The following FRMD3 variants were observed in gnomAD, a reference collection of about 807,000 sequenced individuals.
The protein encoded by FRMD3 is FERM domain-containing protein 3.
A neutral mutation model predicts 70.2 loss-of-function variants in FRMD3; 33 were observed. The ratio of observed to expected loss-of-function variants is 0.47; its 90% CI spans 0.36 to 0.63. FRMD3 has a LOEUF of 0.63. Among genes scored for constraint, FRMD3 ranks in the 20% least tolerant of loss-of-function variants. The pLI, the probability that FRMD3 is intolerant of heterozygous loss-of-function variation, is 0.00. For missense variants in FRMD3, 632 were observed against 711.4 expected (o/e 0.89, Z 1.27); for synonymous variants, 279 against 255.9 (o/e 1.09, Z -0.86).
the FRMD3 span, among the ~76,000 whole-genome samples, chr9:83,576,236 T>G: frequency 3.3e-5 from 5 of 152,044 alleles, no homozygotes; most frequent in African/African-American, 1.2e-4. Flanking sequence ...AGATTGGTTT[T>G]GTAGCCAAAA....
At chr9:83,339,020 A>C (rs1317128967) in intron 5 of FRMD3, among the ~76,000 whole-genome samples, 3 of 152,212 alleles carry the variant, frequency 2.0e-5, no homozygotes, top group African/African-American at 4.8e-5. Flanking sequence ...ATGGACCACC[A>C]ATATGAAACT....
chr9:83,483,522 T>C (rs907413080), intron 1 of FRMD3, among the ~76,000 whole-genome samples: 1 of 152,186 alleles, frequency 6.6e-6, no homozygotes, highest in African/African-American at 2.4e-5. Context: ...TGTGCTTAAA[T>C]GAGCTATTGT....
intron 6 of FRMD3, among the ~76,000 whole-genome samples, chr9:83,327,649 CCTT>C (rs1221845200): frequency 2.0e-5 from 3 of 152,328 alleles, no homozygotes; most frequent in Admixed American, 6.5e-5. Context: ...AGGGTGTAAT[CCTT>C]CTCTTCCTGT....
intron 6 of FRMD3, among the ~76,000 whole-genome samples, chr9:83,332,650 AATC>A (rs1183991488): frequency 6.6e-6 from 1 of 152,138 alleles, no homozygotes; most frequent in Non-Finnish European, 1.5e-5. Context: ...TCTCCCTGTA[AATC>A]ATCATTTCTG....
rs1832054139 is a variant in FRMD3 at position 83,245,593 on chromosome 9, A to C, written c.*2325T>G. The C allele has an allele frequency of 2.6e-5, 21 of 821,938 alleles. No individual in the cohort carries two copies. Among genetic ancestry groups the C allele is most frequent in the Non-Finnish European group, 3.1e-5 (21 of 680,834 alleles). The allele number at this position is 821,938 out of a possible 1,614,324, so 50.9% of individuals were successfully genotyped here. A position where few individuals can be genotyped will look rare whatever the true frequency, so the allele number is the denominator to read the frequency against. ...AATCTGCATCGTTGGATTACATGTG[A>C]TATTTATACTATCATATTTTTTAAG... On this transcript the variant is annotated 3_prime_UTR_variant, in exon 14 of 14. Coordinates refer to ENST00000304195, the MANE Select transcript of FRMD3 (RefSeq NM_174938.6).
At chr9:83,550,438 T>C in the FRMD3 span, among the ~76,000 whole-genome samples, 1 of 152,182 alleles carries the variant, frequency 6.6e-6, no homozygotes, top group African/African-American at 2.4e-5. Context: ...GGCTCTTTTT[T>C]GGTTCCATAT....
Position 83,282,997 on chromosome 9 carries a change from C to T in FRMD3, c.1195+7606G>A, listed in dbSNP as rs139784832. Reference sequence around the variant, plus strand: ...CCCCTTTCAAGTGATAAAAACTTCTCGTGAGTACTTAAGTTGTCAGTAAAT... The same window carrying T: ...CCCCTTTCAAGTGATAAAAACTTCTTGTGAGTACTTAAGTTGTCAGTAAAT... On this transcript the variant is annotated intron_variant, in intron 13 of 13. Transcript: ENST00000304195. Among the ~76,000 whole-genome samples the T allele has an allele frequency of 7.7e-3, 1,174 of 151,888 alleles. 8 individuals are homozygous for T. The highest frequency in any genetic ancestry group is 0.011 in the Non-Finnish European group (765 of 67,982).
chr9:83,381,568 G>C (rs1204477336), intron 2 of FRMD3, among the ~76,000 whole-genome samples: 1 of 151,722 alleles, frequency 6.6e-6, no homozygotes, highest in South Asian at 2.1e-4. Context: ...AAGAAAGAAA[G>C]AAAAAAGAAA....
At position 83,509,869 on chromosome 9, in the gene FRMD3, C is replaced by T. The variant is rs143395831; in HGVS notation, c.147+28216G>A. On this transcript the variant is annotated intron_variant, in intron 1 of 13. Transcript: ENST00000304195. ...CTAGAAAAGATGGAAAACGCACATTCTCTGTGTGGTGGGCTTGGTGTACAG... is the reference window on the plus strand; with the variant it reads ...CTAGAAAAGATGGAAAACGCACATTTTCTGTGTGGTGGGCTTGGTGTACAG... 4.2e-3 allele frequency among the ~76,000 whole-genome samples: 646 copies of T among 152,204 alleles called. 3 individuals are homozygous for T. Among genetic ancestry groups the T allele is most frequent in the African/African-American group, 0.015 (612 of 41,532 alleles).
intron 1 of FRMD3, among the ~76,000 whole-genome samples, chr9:83,412,156 C>T (rs1826297887): frequency 6.6e-6 from 1 of 152,132 alleles, no homozygotes; most frequent in African/African-American, 2.4e-5. Context: ...CAGTGTTGTT[C>T]TCTTTGTGTC....
chr9:83,428,605 T>C (rs763994408), intron 1 of FRMD3, among the ~76,000 whole-genome samples: 1 of 152,058 alleles, frequency 6.6e-6, no homozygotes, highest in Non-Finnish European at 1.5e-5. Flanking sequence ...ATTATAATAA[T>C]TTTCATTATT....
intron 12 of FRMD3, among the ~76,000 whole-genome samples, chr9:83,296,915 A>T (rs1053110987): frequency 2.6e-5 from 4 of 152,216 alleles, no homozygotes; most frequent in Non-Finnish European, 5.9e-5. Flanking sequence ...AGAAAATGTT[A>T]GAAACACAGA....
rs535085026 is a variant in FRMD3, at chr9:83,465,017, C to T, written c.147+73068G>A. Among the ~76,000 whole-genome samples, 23 of 84,712 alleles carry T rather than the reference C, an allele frequency of 2.7e-4. 1 individual carries two copies. In the South Asian group the frequency reaches 9.0e-3, roughly 33 times the overall value. The allele number at this position is 84,712 out of a possible 152,430, so 55.6% of individuals were successfully genotyped here. The stretch of plus-strand genomic sequence containing the variant: ...CCTGGGTAACAGAGAGAAACTCTGT[C>T]TCAAAAAGAAAAAAAAAAAAAAGAA... On this transcript the variant is annotated intron_variant, in intron 1 of 13. Coordinates refer to ENST00000304195, the MANE Select transcript of FRMD3 (RefSeq NM_174938.6).
chr9:83,584,638 A>G, the FRMD3 span, among the ~76,000 whole-genome samples: 3 of 152,194 alleles, frequency 2.0e-5, no homozygotes, highest in Non-Finnish European at 2.9e-5. Context: ...TGAGATTTCA[A>G]GCAAATTTCA....
rs1829932408 is a variant in FRMD3, at chr9:83,537,841, G to A, written c.147+244C>T. 6.6e-6 allele frequency among the ~76,000 whole-genome samples: 1 copy of A among 151,112 alleles called. No individual in the cohort carries two copies. Among genetic ancestry groups the A allele is most frequent in the Non-Finnish European group, 1.5e-5 (1 of 67,696 alleles). On this transcript the variant is annotated intron_variant, in intron 1 of 13. Transcript: ENST00000304195. This position sits in a 1 kb window ranked among gnomAD's most constrained non-coding sequence, Gnocchi z 4.1. ...CGGGCGCAGTGAGACGCGCGCGCAG[G>A]GTGCACGCGAGGGGAAGGAGACTGG...
intron 1 of FRMD3, among the ~76,000 whole-genome samples, chr9:83,395,979 A>T (rs958547570): frequency 1.1e-4 from 16 of 152,228 alleles, no homozygotes; most frequent in African/African-American, 3.9e-4. Flanking sequence ...TTCATTTAAC[A>T]CTTACTGTAT....
chr9:83,496,275 T>C lies in FRMD3; in HGVS notation c.147+41810A>G, dbSNP rs114415731. On this transcript the variant is annotated intron_variant, in intron 1 of 13. Transcript: ENST00000304195. ...AAATAGTATGAGACTATTGCAAAAA[T>C]TGTGAAAATGGAAGAGTAAAAACTG... Among the ~76,000 whole-genome samples, 813 of 152,246 alleles carry C rather than the reference T, an allele frequency of 5.3e-3. 9 individuals carry two copies. The highest frequency in any genetic ancestry group is 0.019 in the African/African-American group (773 of 41,530).
At chr9:83,267,436 T>C (rs754702369) in intron 13 of FRMD3, 20 of 507,494 alleles carry the variant, frequency 3.9e-5, no homozygotes, top group Non-Finnish European at 5.2e-5. Flanking sequence ...CCTGTCCAAA[T>C]GCCTCATCAT....
intron 6 of FRMD3, among the ~76,000 whole-genome samples, chr9:83,325,861 GA>G (rs1242160337): frequency 6.6e-6 from 1 of 152,096 alleles, no homozygotes; most frequent in African/African-American, 2.4e-5. Flanking sequence ...TAAATCAAAA[GA>G]ATAATACTTC....
Sources: gnomAD v4.1 joint callset for allele counts (sites outside exome capture counted in the v4.1 genomes callset) on GRCh38, gnomAD v4.1.1 for gene constraint, Gnocchi (gnomAD v3.1) non-coding constraint, MANE v1.5 for transcripts, NCBI Gene and HGNC (gene_info 2026-07-23, HGNC 2026-07-21) for gene names.